Variants in CLTCL1 observed in about 807,000 individuals in gnomAD.
CLTCL1 encodes the protein clathrin heavy chain 2.
Under a neutral mutation model 190.0 loss-of-function variants are expected in CLTCL1, and 159 were observed. That is an observed-to-expected ratio of 0.84 (90% CI 0.74 to 0.95). The LOEUF (loss-of-function observed/expected upper bound fraction) is 0.95. Among genes scored for constraint, CLTCL1 ranks in the 40% least tolerant of loss-of-function variants. The pLI is 0.00. For missense variants in CLTCL1, 1,878 were observed against 2,033.4 expected (o/e 0.92, Z 1.47); for synonymous variants, 752 against 769.6 (o/e 0.98, Z 0.38).
chr22:19,190,596 CAAAAA>C (rs55780206), intron 27 of CLTCL1, among the ~76,000 whole-genome samples: 12 of 72,812 alleles, frequency 1.6e-4, no homozygotes, highest in Admixed American at 1.0e-3. Context: ...AAGACTGTCT[CAAAAA>C]AAAAAAAAAA....
Position 19,208,958 on chromosome 22 carries a change from A to G in CLTCL1, c.3406T>C (p.Ser1136Pro), listed in dbSNP as rs1037573250. ...NSYIRGDDPS[S>P]YLEVVQSASR... is the part of the protein sequence containing the mutation. ...GCTGACTGAACAACTTCCAGGTAAG[A>G]GGAAGGGTCGTCCCCTCTGATATAG... Residue 1136 changes from serine to proline, a missense_variant, in exon 21 of 33, where the codon TCT becomes CCT. By Grantham distance (74) the Ser-to-Pro change is moderately conservative. Coordinates refer to ENST00000427926, the MANE Select transcript of CLTCL1 (RefSeq NM_007098.4). 9.3e-6 allele frequency: 15 copies of G among 1,611,388 alleles called. No homozygotes were observed. Among genetic ancestry groups the G allele is most frequent in the Non-Finnish European group, 1.2e-5 (14 of 1,178,932 alleles).
chr22:19,191,488 A>C, intron 26 of CLTCL1, 53 bp from the exon 27 acceptor site: 1 of 1,597,786 alleles, frequency 6.3e-7, no homozygotes. Flanking sequence ...CAGATACCCC[A>C]GGGCTCCTTC....
At chr22:19,250,971 C>A (rs1228637546) in intron 3 of CLTCL1, among the ~76,000 whole-genome samples, 1 of 152,080 alleles carries the variant, frequency 6.6e-6, no homozygotes, top group Non-Finnish European at 1.5e-5. Flanking sequence ...CCTTGCAATT[C>A]CACATAAATT....
chr22:19,209,213 T>C (rs918731879), intron 20 of CLTCL1, 99 bp from the exon 21 acceptor site: 3 of 1,090,468 alleles, frequency 2.8e-6, no homozygotes, highest in Non-Finnish European at 3.9e-6. Flanking sequence ...TAAAGCTGCA[T>C]GACCATTTCA....
At chr22:19,199,347 G>C (rs1224159631) in intron 24 of CLTCL1, among the ~76,000 whole-genome samples, 2 of 152,182 alleles carry the variant, frequency 1.3e-5, no homozygotes, top group Non-Finnish European at 2.9e-5. Context: ...TTGAAAAACA[G>C]ACTACTGGGG....
At chr22:19,192,764 T>A (rs1555933154) in intron 26 of CLTCL1, among the ~76,000 whole-genome samples, 1 of 152,056 alleles carries the variant, frequency 6.6e-6, no homozygotes. Context: ...GGCAGCAGGG[T>A]CCCTAGTACC....
chr22:19,286,449 T>C (rs2087909944), intron 1 of CLTCL1, among the ~76,000 whole-genome samples: 1 of 152,162 alleles, frequency 6.6e-6, no homozygotes, highest in Non-Finnish European at 1.5e-5. Flanking sequence ...TTACATGGGA[T>C]GCAATAATTT....
intron 19 of CLTCL1, among the ~76,000 whole-genome samples, chr22:19,214,389 C>T (rs932445173): frequency 6.6e-6 from 1 of 152,052 alleles, no homozygotes; most frequent in African/African-American, 2.4e-5. Context: ...TTCCTCTCAC[C>T]GGAGGGTGTG....
intron 2 of CLTCL1, among the ~76,000 whole-genome samples, chr22:19,271,724 T>C (rs1555980807): frequency 6.6e-6 from 1 of 152,128 alleles, no homozygotes; most frequent in East Asian, 1.9e-4. Context: ...CCTGGGCCAG[T>C]AATGCAAGGT....
intron 2 of CLTCL1, among the ~76,000 whole-genome samples, chr22:19,265,769 C>T (rs1481989517): frequency 1.3e-5 from 2 of 152,120 alleles, no homozygotes; most frequent in African/African-American, 4.8e-5. Context: ...TACATTTTAA[C>T]AAGAAAGGCA....
At chr22:19,199,603 C>G in intron 24 of CLTCL1, 131 bp downstream of exon 24, 1 of 618,864 alleles carries the variant, frequency 1.6e-6, no homozygotes, top group South Asian at 2.2e-5. Flanking sequence ...GAATCTTCCC[C>G]TCAGGGCCAT....
In CLTCL1 at chr22:19,254,160, T is replaced by G. The variant is rs2086680770; in HGVS notation, c.318A>C (p.Glu106Asp). Reference protein sequence around the residue: ...KSKMKAHTMAEEVIFWKWVSV... With the variant: ...KSKMKAHTMADEVIFWKWVSV... ...AAACCCATTTCCAGAAAATCACTTC[T>G]TCTGCCATAGTATGAGCCTTCATTT... Residue 106 changes from glutamate (E) to aspartate (D), a missense_variant, in exon 3 of 33, where the codon GAA (glutamate) becomes GAC (aspartate). Transcript: ENST00000427926. 1 of 1,613,838 alleles carries G rather than the reference T, an allele frequency of 6.2e-7. No homozygotes were observed.
intron 2 of CLTCL1, among the ~76,000 whole-genome samples, chr22:19,256,354 C>T (rs1482586559): frequency 0.014 from 1,409 of 104,336 alleles, 36 homozygotes; most frequent in East Asian, 0.091. Context: ...TTTCTTTTAT[C>T]TTTTTTTTTT....
chr22:19,207,771 A>G (rs1418988099), intron 22 of CLTCL1: 10 of 560,178 alleles, frequency 1.8e-5, no homozygotes, highest in Admixed American at 1.2e-4. Flanking sequence ...CACAAACCCT[A>G]TTGTGAACAG....
At chr22:19,192,440 A>C (rs1000398149) in intron 26 of CLTCL1, among the ~76,000 whole-genome samples, 1 of 152,180 alleles carries the variant, frequency 6.6e-6, no homozygotes, top group East Asian at 1.9e-4. Flanking sequence ...TTCAGGGAGC[A>C]TGCAAGCCAG....
At chr22:19,232,335 G>T (rs2085941171) in intron 10 of CLTCL1, 141 bp downstream of exon 10, 21 of 1,117,436 alleles carry the variant, frequency 1.9e-5, no homozygotes, top group Non-Finnish European at 2.4e-5. Context: ...AACTCCCCAA[G>T]TACACTAGAT....
At chr22:19,212,602 AG>A (rs1476207725) in intron 19 of CLTCL1, among the ~76,000 whole-genome samples, 2 of 150,756 alleles carry the variant, frequency 1.3e-5, no homozygotes, top group Non-Finnish European at 3.0e-5. Context: ...AAAGAAAGAA[AG>A]GAAGGAAGGA....
Position 19,201,508 on chromosome 22 carries a change from G to C in CLTCL1, c.3601-15C>G. The C allele has an allele frequency of 6.2e-7, 1 of 1,603,042 alleles. No individual in the cohort carries two copies. Among genetic ancestry groups the C allele is most frequent in the Non-Finnish European group, 8.5e-7 (1 of 1,171,766 alleles). ...CGGTCTCCAACCTACGGATAATAGG[G>C]TAGCTCGACTGAGACACTCTTCAAT... On this transcript the variant is annotated splice_polypyrimidine_tract_variant and intron_variant, in intron 22 of 32. Coordinates refer to ENST00000427926, the MANE Select transcript of CLTCL1 (RefSeq NM_007098.4).
At chr22:19,224,843 C>A (rs1360345012) in intron 13 of CLTCL1, among the ~76,000 whole-genome samples, 2 of 152,242 alleles carry the variant, frequency 1.3e-5, no homozygotes, top group Admixed American at 6.5e-5. Context: ...TCACTGGACA[C>A]ATGGCAGTGG....
Sources: allele counts gnomAD v4.1 joint callset (sites outside exome capture counted in the v4.1 genomes callset), GRCh38; gene constraint gnomAD v4.1.1; transcripts MANE v1.5; gene names NCBI Gene and HGNC (gene_info 2026-07-23, HGNC 2026-07-21).